TMEM131L: variants seen among roughly 807,000 people sequenced by gnomAD.
TMEM131L encodes transmembrane protein 131-like.
Under a neutral mutation model 192.2 loss-of-function variants are expected in TMEM131L, and 54 were observed. The observed-to-expected ratio is 0.28, with a 90% CI of 0.23 to 0.35. TMEM131L has a LOEUF of 0.35. Ranked by LOEUF, TMEM131L falls within the 10% of genes least tolerant of loss-of-function variation. The pLI, the probability that TMEM131L is intolerant of heterozygous loss-of-function variation, is 1.00. For synonymous variants in TMEM131L, 701 were observed against 704.9 expected, an observed-to-expected ratio of 0.99 and a Z score of 0.09; for missense variants, 1,888 against 1,972.9, an observed-to-expected ratio of 0.96 and a Z score of 0.82.
At chr4:153,544,754 T>G (rs2150360471) in intron 3 of TMEM131L, among the ~76,000 whole-genome samples, 1 of 152,292 alleles carries the variant, frequency 6.6e-6, no homozygotes, top group East Asian at 1.9e-4. Flanking sequence ...GGGTTTTCGC[T>G]CTTCTGTTTT....
intron 3 of TMEM131L, among the ~76,000 whole-genome samples, chr4:153,479,377 A>G (rs146258240): frequency 5.9e-4 from 90 of 152,322 alleles, no homozygotes; most frequent in African/African-American, 2.1e-3. Flanking sequence ...ATCAACAGTA[A>G]TATGTTCCTT....
At chr4:153,622,877 G>T in intron 28 of TMEM131L, 21 bp from the exon 29 acceptor site, 1 of 1,612,900 alleles carries the variant, frequency 6.2e-7, no homozygotes, top group South Asian at 1.1e-5. Context: ...AGGGAAACAT[G>T]ACTCCTTTCA....
rs1028186151 is a variant in TMEM131L at position 153,564,270 on chromosome 4, C to T, written c.660+5902C>T. On this transcript the variant is annotated intron_variant, in intron 7 of 34. Transcript: ENST00000409959. ...TCTTATTGCACTCCAGCCTGGGAGA[C>T]GAGCAAAACTCCGTCTCAAAAAAAA... Among the ~76,000 whole-genome samples the T allele has an allele frequency of 4.0e-5, 5 of 124,746 alleles. No homozygotes were observed. The South Asian group carries it at 7.5e-4, about 19-fold the overall frequency. 81.8% of individuals were successfully genotyped at this position (124,746 alleles called of 152,430 possible).
chr4:153,634,776 C>A (rs1353814946), intron 33 of TMEM131L, among the ~76,000 whole-genome samples: 2 of 152,120 alleles, frequency 1.3e-5, no homozygotes, highest in Non-Finnish European at 1.5e-5. Flanking sequence ...GCTCAAGCAT[C>A]TGTAATAATA....
chr4:153,482,008 A>G lies in TMEM131L; in HGVS notation c.239+8120A>G, dbSNP rs373783708. On this transcript the variant is annotated intron_variant, in intron 3 of 34. Coordinates refer to ENST00000409959, the MANE Select transcript of TMEM131L (RefSeq NM_001131007.2). ...ACTACAGGCAGGCACCAGCACGCCC[A>G]GCTAATTTTTGTATTTTTAGTAGAG... Among the ~76,000 whole-genome samples, 55 of 152,138 alleles carry G rather than the reference A, an allele frequency of 3.6e-4. No homozygotes were observed. In the South Asian group the frequency reaches 0.011, roughly 30 times the overall value.
chr4:153,597,929 T>C (rs1436646968), intron 20 of TMEM131L, among the ~76,000 whole-genome samples: 4 of 152,070 alleles, frequency 2.6e-5, no homozygotes, highest in African/African-American at 9.7e-5. Flanking sequence ...CAACATCCTA[T>C]CTCCTAGGTA....
intron 29 of TMEM131L, among the ~76,000 whole-genome samples, chr4:153,623,388 T>C (rs1302496739): frequency 6.6e-6 from 1 of 152,252 alleles, no homozygotes; most frequent in Non-Finnish European, 1.5e-5. Context: ...GTGATGTTTC[T>C]TAGGTGTGGA....
At position 153,621,680 on chromosome 4, in the gene TMEM131L, C is replaced by T. The variant is rs780494175; in HGVS notation, c.3693-3C>T. 1.2e-5 allele frequency: 19 copies of T among 1,612,662 alleles called. No homozygotes were observed. Among genetic ancestry groups the T allele is most frequent in the Non-Finnish European group, 1.5e-5 (18 of 1,179,588 alleles). On this transcript the variant is annotated splice_polypyrimidine_tract_variant and splice_region_variant and intron_variant, in intron 27 of 34. Coordinates refer to ENST00000409959, the MANE Select transcript of TMEM131L (RefSeq NM_001131007.2). Reference sequence around the variant, plus strand: ...TTTTTTTGTGTGTGTGTGTCTTTTCCAGGCCTCCTGAACAGAGTGATCTAA... The same window carrying T: ...TTTTTTTGTGTGTGTGTGTCTTTTCTAGGCCTCCTGAACAGAGTGATCTAA...
intron 7 of TMEM131L, among the ~76,000 whole-genome samples, chr4:153,562,797 A>C (rs1436281781): frequency 6.6e-6 from 1 of 152,256 alleles, no homozygotes. Context: ...ATGTGAAGAG[A>C]AAATAACTCT....
intron 3 of TMEM131L, among the ~76,000 whole-genome samples, chr4:153,479,130 C>G (rs143552283): frequency 1.6e-4 from 24 of 152,306 alleles, no homozygotes; most frequent in African/African-American, 5.5e-4. Flanking sequence ...GGGGCTGGAA[C>G]GGGACCAGTG....
At chr4:153,596,676 T>C (rs1731463800) in intron 20 of TMEM131L, among the ~76,000 whole-genome samples, 1 of 152,078 alleles carries the variant, frequency 6.6e-6, no homozygotes, top group East Asian at 1.9e-4. Context: ...CAGAACACAC[T>C]CATGCAGATC....
chr4:153,626,334 T>G, intron 30 of TMEM131L, 109 bp downstream of exon 30: 1 of 682,378 alleles, frequency 1.5e-6, no homozygotes, highest in East Asian at 2.7e-5. Context: ...ATATGAAAAC[T>G]TTTTAAAGAT....
At chr4:153,592,333 C>A in intron 17 of TMEM131L, 142 bp from the exon 18 acceptor site, 1 of 624,056 alleles carries the variant, frequency 1.6e-6, no homozygotes, top group Non-Finnish European at 2.9e-6. Flanking sequence ...TTGAAGCGTG[C>A]TGGCCATTTA....
At chr4:153,472,815 T>G (rs1373796531) in intron 2 of TMEM131L, among the ~76,000 whole-genome samples, 1 of 152,178 alleles carries the variant, frequency 6.6e-6, no homozygotes, top group Non-Finnish European at 1.5e-5. Context: ...GTGGGGGAAT[T>G]ACATGCTTTT....
intron 20 of TMEM131L, among the ~76,000 whole-genome samples, chr4:153,596,758 A>G (rs569019328): frequency 1.3e-5 from 2 of 152,352 alleles, no homozygotes; most frequent in East Asian, 3.9e-4. Context: ...TAGTATTTGA[A>G]CAAACTTATA....
At chr4:153,526,383 A>G (rs542930929) in intron 3 of TMEM131L, among the ~76,000 whole-genome samples, 7 of 152,248 alleles carry the variant, frequency 4.6e-5, no homozygotes, top group African/African-American at 1.7e-4. Flanking sequence ...TCCCTCCTGC[A>G]GATACTGTAT....
rs1412298445 is a variant in TMEM131L, at chr4:153,555,868, T to C, written c.390T>C (p.Phe130=). The C allele has an allele frequency of 1.3e-6, 2 of 1,551,696 alleles. No individual in the cohort carries two copies. Among genetic ancestry groups the C allele is most frequent in the East Asian group, 4.9e-5 (2 of 40,924 alleles). ...GCGAGGTTGTGGTGAATTCAGTGTT[T>C]GCAGCTGCTGGACATTTCCATGTAC... ...RDSEVVVNSV[F]AAAGHFHVPP... is the part of the protein sequence containing the mutation. Residue 130 remains phenylalanine (F), a synonymous_variant, in exon 5 of 35, where the codon TTT becomes TTC. Coordinates refer to ENST00000409959, the MANE Select transcript of TMEM131L (RefSeq NM_001131007.2). The surrounding 1 kb of genome is among the most constrained non-coding windows in gnomAD (Gnocchi z 4.1).
chr4:153,586,970 A>G (rs1446535406), intron 14 of TMEM131L, among the ~76,000 whole-genome samples: 1 of 151,966 alleles, frequency 6.6e-6, no homozygotes. Flanking sequence ...GCTCCAAGCT[A>G]TTTTGTATAA....
chr4:153,564,337 C>T (rs1446950064), intron 7 of TMEM131L, among the ~76,000 whole-genome samples: 1 of 149,758 alleles, frequency 6.7e-6, no homozygotes, highest in African/African-American at 2.5e-5. Context: ...CTTGTATGCC[C>T]CTTCTGCCAT....
Sources: allele counts gnomAD v4.1 joint callset (sites outside exome capture counted in the v4.1 genomes callset), GRCh38; gene constraint gnomAD v4.1.1; non-coding constraint Gnocchi (gnomAD v3.1); transcripts MANE v1.5; gene names NCBI Gene and HGNC (gene_info 2026-07-23, HGNC 2026-07-21).